Variants in RNF150 observed in about 807,000 individuals in gnomAD.
The protein encoded by RNF150 is ring finger protein 150.
Under a neutral mutation model 39.3 loss-of-function variants are expected in RNF150, and 24 were observed. The observed-to-expected ratio is 0.61, with a 90% confidence interval of 0.44 to 0.86. The LOEUF (loss-of-function observed/expected upper bound fraction) is 0.86, where lower values mean the gene tolerates loss of function less well. Ranked by LOEUF, RNF150 falls within the 40% of genes least tolerant of loss-of-function variation. The pLI is 0.00. For synonymous variants in RNF150, 255 were observed against 227.3 expected (o/e 1.12, Z -1.10); for missense variants, 502 against 587.8 (o/e 0.85, Z 1.51).
intron 1 of RNF150, among the ~76,000 whole-genome samples, chr4:141,142,403 G>A (rs1727131828): frequency 6.6e-6 from 1 of 152,162 alleles, no homozygotes; most frequent in Non-Finnish European, 1.5e-5. Context: ...TAACCTCCCT[G>A]TTAACTGGAA....
At chr4:141,161,941 A>T (rs1020153733) in intron 1 of RNF150, among the ~76,000 whole-genome samples, 1 of 152,198 alleles carries the variant, frequency 6.6e-6, no homozygotes, top group African/African-American at 2.4e-5. Flanking sequence ...CACAGTCCTT[A>T]TGGAGAACCT....
chr4:141,205,778 G>C lies in RNF150; in HGVS notation c.-6+7016C>G, dbSNP rs541140944. On this transcript the variant is annotated intron_variant, in intron 1 of 7. Transcript: ENST00000420921. ...TCCCAAATTTTCTCTCTATCTCAGAGGAGGATTTGGCTAAAATTAATTTTA... is the reference window on the plus strand; with the variant it reads ...TCCCAAATTTTCTCTCTATCTCAGACGAGGATTTGGCTAAAATTAATTTTA... Among the ~76,000 whole-genome samples the C allele has an allele frequency of 6.6e-5, 10 of 152,262 alleles. No homozygotes were observed. The East Asian group carries it at 1.9e-3, about 29-fold the overall frequency.
intron 1 of RNF150, among the ~76,000 whole-genome samples, chr4:140,993,079 A>G (rs1011670676): frequency 2.0e-5 from 3 of 152,118 alleles, no homozygotes. Flanking sequence ...TTGGTTTCCT[A>G]TCACTGCTAT....
chr4:140,949,437 C>T, intron 2 of RNF150, 65 bp from the exon 3 acceptor site: 1 of 1,317,672 alleles, frequency 7.6e-7, no homozygotes. Flanking sequence ...TTTCTGATAT[C>T]ATTTAATACA....
intron 1 of RNF150, among the ~76,000 whole-genome samples, chr4:141,079,356 C>CT (rs1383430537): frequency 1.3e-5 from 2 of 152,134 alleles, no homozygotes; most frequent in Non-Finnish European, 2.9e-5. Flanking sequence ...CTAAACACTG[C>CT]TTTTTTTCCT....
At chr4:140,892,670 A>T (rs1729794738) in intron 6 of RNF150, among the ~76,000 whole-genome samples, 1 of 149,602 alleles carries the variant, frequency 6.7e-6, no homozygotes, top group Non-Finnish European at 1.5e-5. Flanking sequence ...TTGGCTTCGC[A>T]GGCTCCTTCC....
At chr4:141,036,433 T>C (rs1736149789) in intron 1 of RNF150, among the ~76,000 whole-genome samples, 1 of 152,190 alleles carries the variant, frequency 6.6e-6, no homozygotes, top group Non-Finnish European at 1.5e-5. Flanking sequence ...TTTTTAAGTG[T>C]GCAGCATAGT....
chr4:140,952,154 G>A (rs2111382985), intron 2 of RNF150, among the ~76,000 whole-genome samples: 1 of 152,070 alleles, frequency 6.6e-6, no homozygotes. Context: ...GGGATTACAG[G>A]TGCCCGCCAC....
intron 6 of RNF150, among the ~76,000 whole-genome samples, chr4:140,895,016 A>C (rs889486015): frequency 2.0e-5 from 3 of 152,160 alleles, no homozygotes; most frequent in African/African-American, 7.2e-5. Flanking sequence ...GGAATCTGCA[A>C]GCCTGGCAAA....
chr4:141,093,569 C>T (rs1045120938), intron 1 of RNF150, among the ~76,000 whole-genome samples: 18 of 152,166 alleles, frequency 1.2e-4, no homozygotes, highest in African/African-American at 2.9e-4. Flanking sequence ...TTTACATGGA[C>T]GGGACTTAAG....
intron 1 of RNF150, among the ~76,000 whole-genome samples, chr4:141,023,986 C>A (rs1362017123): frequency 6.6e-6 from 1 of 152,098 alleles, no homozygotes; most frequent in African/African-American, 2.4e-5. Context: ...AACAAATATT[C>A]TTTGAAATCC....
At chr4:140,899,717 G>A (rs1202908117) in intron 6 of RNF150, among the ~76,000 whole-genome samples, 2 of 152,150 alleles carry the variant, frequency 1.3e-5, no homozygotes, top group African/African-American at 4.8e-5. Context: ...AAAGTGAAGA[G>A]TGTCCTAACT....
intron 1 of RNF150, among the ~76,000 whole-genome samples, chr4:141,083,297 CT>C (rs1250894225): frequency 6.6e-6 from 1 of 152,122 alleles, no homozygotes; most frequent in African/African-American, 2.4e-5. Context: ...CTTTTTTCCC[CT>C]AACAGGAAAA....
chr4:141,132,853 G>T lies in RNF150; in HGVS notation c.-45C>A. On this transcript the variant is annotated 5_prime_UTR_variant, in exon 1 of 7. Transcript: ENST00000515673. The surrounding 1 kb of genome is among the most constrained non-coding windows in gnomAD (Gnocchi z 4.9). Reference sequence around the variant, plus strand: ...CTCCCCGCCCCCGCGCCCTCCCTCCGTCCCGTCCCTCCTCCCCAGCCCCGG... The same window carrying T: ...CTCCCCGCCCCCGCGCCCTCCCTCCTTCCCGTCCCTCCTCCCCAGCCCCGG... 2.6e-6 allele frequency: 4 copies of T among 1,510,490 alleles called. No homozygotes were observed. Among genetic ancestry groups the T allele is most frequent in the Non-Finnish European group, 3.6e-6 (4 of 1,099,048 alleles). The allele number at this position is 1,510,490 out of a possible 1,614,324, so 93.6% of individuals were successfully genotyped here.
chr4:141,129,091 C>T (rs1267018992), intron 1 of RNF150, among the ~76,000 whole-genome samples: 1 of 152,088 alleles, frequency 6.6e-6, no homozygotes, highest in African/African-American at 2.4e-5. Flanking sequence ...CATAGAGTTG[C>T]CATATGACTC....
chr4:140,918,938 A>G (rs1730977708), intron 5 of RNF150, among the ~76,000 whole-genome samples: 1 of 152,362 alleles, frequency 6.6e-6, no homozygotes, highest in East Asian at 1.9e-4. Context: ...CAAAAACCAC[A>G]TGATTATCTC....
intron 1 of RNF150, among the ~76,000 whole-genome samples, chr4:141,078,638 A>C (rs1738004783): frequency 6.6e-6 from 1 of 151,332 alleles, no homozygotes; most frequent in Admixed American, 6.6e-5. Context: ...ACAAAAAAAA[A>C]AATTAGCCGG....
chr4:141,030,251 A>T (rs770051063), intron 1 of RNF150, among the ~76,000 whole-genome samples: 3 of 150,108 alleles, frequency 2.0e-5, no homozygotes, highest in Non-Finnish European at 4.4e-5. Context: ...AAACTATGAG[A>T]TATCACCTCA....
At chr4:140,903,857 C>T (rs1289832263) in intron 6 of RNF150, among the ~76,000 whole-genome samples, 4 of 152,158 alleles carry the variant, frequency 2.6e-5, no homozygotes, top group Non-Finnish European at 4.4e-5. Context: ...AGCAATATAT[C>T]TGTGGTCTAA....
Sources: allele counts gnomAD v4.1 joint callset (sites outside exome capture counted in the v4.1 genomes callset), GRCh38; gene constraint gnomAD v4.1.1; non-coding constraint Gnocchi (gnomAD v3.1); transcripts MANE v1.5; gene names NCBI Gene and HGNC (gene_info 2026-07-23, HGNC 2026-07-21).